The following SH3TC2 variants were observed in gnomAD, a reference collection of about 807,000 sequenced individuals.
SH3TC2 encodes the protein SH3 domain and tetratricopeptide repeat-containing protein 2.
In SH3TC2, 87 loss-of-function variants were observed where a neutral mutation model predicts 124.5. The observed-to-expected ratio is 0.70, with a 90% CI of 0.59 to 0.84. SH3TC2 has a LOEUF of 0.84. SH3TC2 is among the 40% of genes least tolerant of loss of function. SH3TC2 has a pLI of 0.00. For missense variants in SH3TC2, 1,536 were observed against 1,566.4 expected (o/e 0.98, Z 0.33); for synonymous variants, 634 against 628.5 (o/e 1.01, Z -0.13).
At chr5:149,050,776 T>C (rs1754542625) in intron 2 of SH3TC2, among the ~76,000 whole-genome samples, 1 of 152,246 alleles carries the variant, frequency 6.6e-6, no homozygotes, top group Non-Finnish European at 1.5e-5. Flanking sequence ...ATGACATGTA[T>C]ACAATATCTA....
rs1753266956 is a variant in SH3TC2 at position 148,982,509 on chromosome 5, C to G, written c.*22202G>C. Reference sequence around the variant, plus strand: ...TAACCAAATTGACACCACTAGAGAACCAGCTAAATAAACTGTTATTCCCAT... The same window carrying G: ...TAACCAAATTGACACCACTAGAGAAGCAGCTAAATAAACTGTTATTCCCAT... On this transcript the variant is annotated 3_prime_UTR_variant, in exon 17 of 17. Coordinates refer to ENST00000515425, the MANE Select transcript of SH3TC2 (RefSeq NM_024577.4). 6.6e-6 allele frequency among the ~76,000 whole-genome samples: 1 copy of G among 152,112 alleles called. No homozygotes were observed. Among genetic ancestry groups the G allele is most frequent in the Non-Finnish European group, 1.5e-5 (1 of 68,028 alleles).
rs1234062925 is a variant in SH3TC2 at position 149,028,359 on chromosome 5, G to C, written c.1373C>G (p.Thr458Ser). Residue 458 changes from threonine to serine, a missense_variant, in exon 11 of 17, where the codon ACT becomes AGT. By Grantham distance (58) the Thr-to-Ser change is moderately conservative. Transcript: ENST00000515425. ...GTTCTCAGCCTCCTCCTCCTGACCA[G>C]TGCTTAGGTCCATGAGCAGTTCCGG... is the stretch of plus-strand genomic sequence containing the variant. ...DDPELLMDLS[T>S]GQEEEAENFA... is the part of the protein sequence containing the mutation. 6.2e-7 allele frequency: 1 copy of C among 1,614,174 alleles called. No individual in the cohort carries two copies. Among genetic ancestry groups the C allele is most frequent in the Admixed American group, 1.7e-5 (1 of 60,024 alleles).
intron 12 of SH3TC2, among the ~76,000 whole-genome samples, chr5:149,015,131 G>T (rs1344071071): frequency 2.0e-5 from 3 of 152,142 alleles, no homozygotes; most frequent in Non-Finnish European, 4.4e-5. Flanking sequence ...TCCAAGAAAT[G>T]CCCCATCAGG....
At position 148,993,592 on chromosome 5, in the gene SH3TC2, G is replaced by A. The variant is rs921400515; in HGVS notation, c.*11119C>T. On this transcript the variant is annotated 3_prime_UTR_variant, in exon 17 of 17. Transcript: ENST00000515425. ...CAAAACACCCTCAGCAATATATCACGGAGGTCAAAACGTCTGCCAGACTAA... is the reference window on the plus strand; with the variant it reads ...CAAAACACCCTCAGCAATATATCACAGAGGTCAAAACGTCTGCCAGACTAA... Among the ~76,000 whole-genome samples, 2 of 152,080 alleles carry A rather than the reference G, an allele frequency of 1.3e-5. No individual in the cohort carries two copies. The highest frequency in any genetic ancestry group is 1.5e-5 in the Non-Finnish European group (1 of 67,994).
intron 4 of SH3TC2, 140 bp from the exon 5 acceptor site, chr5:149,042,977 A>G (rs994892679): frequency 2.1e-6 from 2 of 952,740 alleles, no homozygotes; most frequent in East Asian, 2.6e-5. Flanking sequence ...AATTAAAACA[A>G]CATAAGAGGC....
In SH3TC2 at chr5:149,052,146, A is replaced by T; in HGVS notation, c.147T>A (p.Asn49Lys). The change falls in exon 2 of 17, where the codon AAT becomes AAA. Residue 49 changes from asparagine to lysine, a missense_variant. Asn to Lys is a moderately conservative substitution (Grantham distance 94). Around this residue, in one of 3 missense-constraint regions of SH3TC2, gnomAD observed 1,102 missense variants for 1,098.6 expected, o/e 1.00. Transcript: ENST00000515425. Reference sequence around the variant, plus strand: ...TTGTCTTTGGCATTTGGATACCTGGATTAATGTTCTGTGGCAGAAAACATT... The same window carrying T: ...TTGTCTTTGGCATTTGGATACCTGGTTTAATGTTCTGTGGCAGAAAACATT... ...KEKCFLPQNI[N>K]PDLTLSFCVK... The T allele has an allele frequency of 6.2e-7, 1 of 1,605,826 alleles. No individual in the cohort carries two copies. The highest frequency in any genetic ancestry group is 8.5e-7 in the Non-Finnish European group (1 of 1,172,460).
intron 1 of SH3TC2, chr5:149,057,458 G>T (rs1431946881): frequency 6.6e-6 from 1 of 152,046 alleles, no homozygotes; most frequent in Non-Finnish European, 1.5e-5. Flanking sequence ...AGGATATGCA[G>T]GTTTATTATA....
rs1175897639 is a variant in SH3TC2, at chr5:148,992,696, A to C, written c.*12015T>G. ...TGGTAAAACTGAGACCTCAGGTGGGAGATGGACTTGTCCCAGTATACACAA... is the reference window on the plus strand; with the variant it reads ...TGGTAAAACTGAGACCTCAGGTGGGCGATGGACTTGTCCCAGTATACACAA... On this transcript the variant is annotated 3_prime_UTR_variant, in exon 17 of 17. Transcript: ENST00000515425. 7.3e-6 allele frequency among the ~76,000 whole-genome samples: 1 copy of C among 136,298 alleles called. No homozygotes were observed. The highest frequency in any genetic ancestry group is 2.4e-4 in the East Asian group (1 of 4,182). 89.4% of individuals were successfully genotyped at this position (136,298 alleles called of 152,430 possible).
At position 148,993,864 on chromosome 5, in the gene SH3TC2, T is replaced by C. The variant is rs535798456; in HGVS notation, c.*10847A>G. Among the ~76,000 whole-genome samples the C allele has an allele frequency of 8.5e-5, 13 of 152,368 alleles. No homozygotes were observed. In the South Asian group the frequency reaches 2.7e-3, roughly 32 times the overall value. Reference sequence around the variant, plus strand: ...AACTTCTTCGCCCAAACAAGTACTCTTCTGAAATGTCTGTCAACACAATAA... The same window carrying C: ...AACTTCTTCGCCCAAACAAGTACTCCTCTGAAATGTCTGTCAACACAATAA... On this transcript the variant is annotated 3_prime_UTR_variant, in exon 17 of 17. Transcript: ENST00000515425.
Position 148,989,944 on chromosome 5 carries a change from AAG to A in SH3TC2, c.*14765_*14766del, listed in dbSNP as rs1753395937. Among the ~76,000 whole-genome samples, 1 of 152,042 alleles carries A rather than the reference AAG, an allele frequency of 6.6e-6. No homozygotes were observed. Among genetic ancestry groups the A allele is most frequent in the Non-Finnish European group, 1.5e-5 (1 of 68,008 alleles). ...GAGTTCTTGGGGTGTGGGGATACAC[AAG>A]TGTGTGCATGTTTGTGTGTATGTGT... On this transcript the variant is annotated 3_prime_UTR_variant, in exon 17 of 17. Transcript: ENST00000515425.
At chr5:149,017,217 G>T (rs1372147278) in intron 12 of SH3TC2, among the ~76,000 whole-genome samples, 4 of 152,112 alleles carry the variant, frequency 2.6e-5, no homozygotes, top group Admixed American at 6.5e-5. Context: ...CATAGTAAAT[G>T]CTCGGTAAAT....
At chr5:149,049,927 T>A (rs896183663) in intron 2 of SH3TC2, among the ~76,000 whole-genome samples, 5 of 152,224 alleles carry the variant, frequency 3.3e-5, no homozygotes, top group African/African-American at 1.2e-4. Flanking sequence ...GTACTGCTCA[T>A]GGCTGGCTGC....
rs754970703 is a variant in SH3TC2 at position 149,027,263 on chromosome 5, T to C, written c.2469A>G (p.Leu823=). 5 of 1,614,030 alleles carry C rather than the reference T, an allele frequency of 3.1e-6. No homozygotes were observed. Among genetic ancestry groups the C allele is most frequent in the African/African-American group, 2.7e-5 (2 of 74,934 alleles). Residue 823 remains leucine (L), a synonymous_variant, in exon 11 of 17, where the codon CTA becomes CTG. Transcript: ENST00000515425. Reference sequence around the variant, plus strand: ...GACTCTCTGTCTCCTTCAGGGAGCATAGCAGTGGCTCAAGCACATCCAAAG... The same window carrying C: ...GACTCTCTGTCTCCTTCAGGGAGCACAGCAGTGGCTCAAGCACATCCAAAG... ...KKALDVLEPL[L]CSLKETESLT...
At chr5:149,042,157 T>TC (rs1311505780) in intron 5 of SH3TC2, among the ~76,000 whole-genome samples, 1 of 152,228 alleles carries the variant, frequency 6.6e-6, no homozygotes, top group Non-Finnish European at 1.5e-5. Context: ...ATCAGGCTTA[T>TC]CCACCTCATA....
At chr5:149,049,737 C>T (rs1754524902) in intron 2 of SH3TC2, among the ~76,000 whole-genome samples, 1 of 151,738 alleles carries the variant, frequency 6.6e-6, no homozygotes. Context: ...GAGTCAACAT[C>T]ACACCACTGC....
Position 149,000,972 on chromosome 5 carries a change from A to T in SH3TC2, c.*3739T>A, listed in dbSNP as rs1753587841. Among the ~76,000 whole-genome samples the T allele has an allele frequency of 6.6e-6, 1 of 152,208 alleles. No individual in the cohort carries two copies. The highest frequency in any genetic ancestry group is 1.5e-5 in the Non-Finnish European group (1 of 68,042). On this transcript the variant is annotated 3_prime_UTR_variant, in exon 17 of 17. Transcript: ENST00000515425. ...TTTTATCAGAGGACAAATATCTGAG[A>T]TGTGTAGAGGTTAAGTGACTTGCCC...
chr5:149,038,205 T>A, intron 8 of SH3TC2, 90 bp downstream of exon 8: 1 of 1,325,216 alleles, frequency 7.5e-7, no homozygotes, highest in Non-Finnish European at 1.1e-6. Flanking sequence ...CAGGGCACCC[T>A]CGAAGCTCAA....
chr5:149,028,596 C>A, intron 10 of SH3TC2, 42 bp from the exon 11 acceptor site: 1 of 1,614,178 alleles, frequency 6.2e-7, no homozygotes, highest in African/African-American at 1.3e-5. Flanking sequence ...GGCACCTGCA[C>A]CTAAGGTGGC....
At chr5:149,035,823 T>C (rs745480533) in intron 8 of SH3TC2, 7 of 152,206 alleles carry the variant, frequency 4.6e-5, no homozygotes, top group Non-Finnish European at 1.0e-4. Context: ...AGTGAAAATA[T>C]GATGACTGAA....
Sources: gnomAD v4.1 joint callset for allele counts (sites outside exome capture counted in the v4.1 genomes callset) on GRCh38, gnomAD v4.1.1 for gene constraint, gnomAD v4.1.1 regional missense constraint, MANE v1.5 for transcripts, NCBI Gene and HGNC (gene_info 2026-07-23, HGNC 2026-07-21) for gene names.